The following FARSB variants were observed in gnomAD, a reference collection of about 807,000 sequenced individuals.
FARSB encodes the protein phenylalanine--tRNA ligase beta subunit.
A neutral mutation model predicts 69.6 loss-of-function variants in FARSB; 40 were observed. The ratio of observed to expected loss-of-function variants is 0.57; its 90% confidence interval spans 0.45 to 0.75. The LOEUF (loss-of-function observed/expected upper bound fraction) is 0.75, where lower values mean the gene tolerates loss of function less well. FARSB is among the 30% of genes least tolerant of loss of function. The pLI, the probability that FARSB is intolerant of heterozygous loss-of-function variation, is 0.00. For synonymous variants in FARSB, 235 were observed against 247.2 expected, an observed-to-expected ratio of 0.95 and a Z score of 0.46; for missense variants, 632 against 722.9, an observed-to-expected ratio of 0.87 and a Z score of 1.44.
intron 10 of FARSB, 50 bp from the exon 11 acceptor site, chr2:222,624,825 T>C (rs1210786223): frequency 6.2e-6 from 7 of 1,133,276 alleles, no homozygotes; most frequent in East Asian, 2.4e-5. Flanking sequence ...CAGATACAGC[T>C]TTAGAGTCTT....
At chr2:222,583,779 C>T (rs1177921085) in intron 16 of FARSB, among the ~76,000 whole-genome samples, 1 of 152,080 alleles carries the variant, frequency 6.6e-6, no homozygotes, top group East Asian at 1.9e-4. Context: ...CCATGCTGTT[C>T]TTGTGATATT....
chr2:222,645,592 T>G (rs1691829814), intron 2 of FARSB, among the ~76,000 whole-genome samples: 1 of 151,256 alleles, frequency 6.6e-6, no homozygotes, highest in African/African-American at 2.4e-5. Context: ...TATCAGAAAA[T>G]TATCTTTTAA....
rs1689699724 is a variant in FARSB at position 222,570,562 on chromosome 2, CA to C, written c.*1308del. The C allele has an allele frequency of 6.6e-6, 1 of 151,652 alleles. No individual in the cohort carries two copies. The highest frequency in any genetic ancestry group is 1.5e-5 in the Non-Finnish European group (1 of 67,968). 9.4% of individuals were successfully genotyped at this position (151,652 alleles called of 1,614,324 possible). ...TTTTGTAGACAGAATCTCACTCTGT[CA>C]CCCAGGCTGGAGGGCAGTGGCACAA... is the stretch of plus-strand genomic sequence containing the variant. On this transcript the variant is annotated 3_prime_UTR_variant, in exon 17 of 17. Transcript: ENST00000281828.
rs1242649266 is a variant in FARSB, at chr2:222,568,104, G to A, written c.*3767C>T. Reference sequence around the variant, plus strand: ...AAAATGTGAGCAGGTGTGTGTGGCTGACTGTACAAATCAAGGAAAATGTCC... The same window carrying A: ...AAAATGTGAGCAGGTGTGTGTGGCTAACTGTACAAATCAAGGAAAATGTCC... On this transcript the variant is annotated 3_prime_UTR_variant, in exon 17 of 17. Coordinates refer to ENST00000281828, the MANE Select transcript of FARSB (RefSeq NM_005687.5). The surrounding 1 kb of genome is among the most constrained non-coding windows in gnomAD (Gnocchi z 4.3). The A allele has an allele frequency of 6.6e-6, 1 of 150,774 alleles. No homozygotes were observed. Among genetic ancestry groups the A allele is most frequent in the Non-Finnish European group, 1.5e-5 (1 of 67,994 alleles). 9.3% of individuals were successfully genotyped at this position (150,774 alleles called of 1,614,324 possible).
intron 16 of FARSB, among the ~76,000 whole-genome samples, chr2:222,586,510 A>G (rs182131583): frequency 6.6e-6 from 1 of 152,210 alleles, no homozygotes; most frequent in Non-Finnish European, 1.5e-5. Context: ...ACACATAATA[A>G]TATTAACCTT....
In FARSB at chr2:222,568,297, A is replaced by T. The variant is rs1022813192; in HGVS notation, c.*3574T>A. ...TGTCTCCCATTATTTTTATATTTTT[A>T]AAAAGTGTAGAAAGTCCCATTATTT... On this transcript the variant is annotated 3_prime_UTR_variant, in exon 17 of 17. Coordinates refer to ENST00000281828, the MANE Select transcript of FARSB (RefSeq NM_005687.5). The surrounding 1 kb of genome is among the most constrained non-coding windows in gnomAD (Gnocchi z 4.3). 12 of 152,172 alleles carry T rather than the reference A, an allele frequency of 7.9e-5. No individual in the cohort carries two copies. The highest frequency in any genetic ancestry group is 1.8e-4 in the Non-Finnish European group (12 of 68,016). The allele number at this position is 152,172 out of a possible 1,614,324, so 9.4% of individuals were successfully genotyped here.
At chr2:222,587,343 G>A (rs1288303156) in intron 16 of FARSB, among the ~76,000 whole-genome samples, 1 of 152,144 alleles carries the variant, frequency 6.6e-6, no homozygotes, top group Non-Finnish European at 1.5e-5. Flanking sequence ...GAATCTCTGG[G>A]ACACATTTAA....
chr2:222,620,966 C>T (rs1559206090), intron 13 of FARSB, among the ~76,000 whole-genome samples: 3 of 152,184 alleles, frequency 2.0e-5, no homozygotes, highest in Admixed American at 6.5e-5. Flanking sequence ...AAACAGCTCC[C>T]GGATCTGCTA....
At chr2:222,609,879 C>T (rs1458840327) in intron 15 of FARSB, among the ~76,000 whole-genome samples, 1 of 152,146 alleles carries the variant, frequency 6.6e-6, no homozygotes, top group East Asian at 1.9e-4. Flanking sequence ...ATATCGAAAT[C>T]CAGTATGGAT....
At chr2:222,625,179 GT>G (rs1691238149) in intron 10 of FARSB, among the ~76,000 whole-genome samples, 1 of 152,122 alleles carries the variant, frequency 6.6e-6, no homozygotes, top group Non-Finnish European at 1.5e-5. Context: ...CAATATCACA[GT>G]GTCCATCATA....
rs1284911113 is a variant in FARSB, at chr2:222,600,053, C to T, written c.1493G>A (p.Cys498Tyr). 1.9e-6 allele frequency: 3 copies of T among 1,610,098 alleles called. No individual in the cohort carries two copies. Among genetic ancestry groups the T allele is most frequent in the Non-Finnish European group, 2.5e-6 (3 of 1,179,068 alleles). ...AGGATTCTTGTTGTAATAAACAGCA[C>T]AGAGATGTCTGTAGTTTTTTGCACC... The part of the protein sequence containing the change: ...DVGAKNYRHL[C>Y]AVYYNKNPGF... Residue 498 changes from cysteine to tyrosine, a missense_variant, in exon 16 of 17, where the codon TGT becomes TAT. Cys to Tyr is a radical substitution (Grantham distance 194). Transcript: ENST00000281828.
rs1014983674 is a variant in FARSB at position 222,571,779 on chromosome 2, C to A, written c.*92G>T. The A allele has an allele frequency of 3.6e-6, 4 of 1,100,496 alleles. No individual in the cohort carries two copies. The highest frequency in any genetic ancestry group is 5.3e-5 in the Admixed American group (2 of 37,774). 68.2% of individuals were successfully genotyped at this position (1,100,496 alleles called of 1,614,324 possible). A position where few individuals can be genotyped will look rare whatever the true frequency, so the allele number is the denominator to read the frequency against. ...TTCTACTTTATTAAACATCAAAGCC[C>A]AAATAGATGTTCCCTGTGGAGGAGG... On this transcript the variant is annotated 3_prime_UTR_variant, in exon 17 of 17. Coordinates refer to ENST00000281828, the MANE Select transcript of FARSB (RefSeq NM_005687.5).
intron 16 of FARSB, among the ~76,000 whole-genome samples, chr2:222,574,575 C>T (rs564736180): frequency 4.7e-4 from 71 of 152,264 alleles, no homozygotes; most frequent in South Asian, 1.7e-3. Context: ...CCAACTCACA[C>T]GTAAAAAGGA....
chr2:222,585,531 T>C (rs1337606198), intron 16 of FARSB, among the ~76,000 whole-genome samples: 2 of 152,232 alleles, frequency 1.3e-5, no homozygotes. Flanking sequence ...CTTTGACAAG[T>C]TGACAGAAGT....
At chr2:222,640,177 GA>G (rs748684703) in intron 4 of FARSB, among the ~76,000 whole-genome samples, 1 of 152,162 alleles carries the variant, frequency 6.6e-6, no homozygotes, top group Non-Finnish European at 1.5e-5. Context: ...AATGATCAAA[GA>G]AAATCACATT....
intron 16 of FARSB, among the ~76,000 whole-genome samples, chr2:222,594,054 T>G (rs1690346150): frequency 8.5e-6 from 1 of 118,212 alleles, no homozygotes; most frequent in Non-Finnish European, 1.6e-5. Flanking sequence ...ACCGGGAGCT[T>G]AAGACCAGCC....
intron 14 of FARSB, among the ~76,000 whole-genome samples, chr2:222,616,289 T>A (rs1355405540): frequency 1.3e-5 from 2 of 151,722 alleles, no homozygotes; most frequent in African/African-American, 4.8e-5. Flanking sequence ...ACTCAAACTG[T>A]TAAAAAAAAA....
At chr2:222,618,244 G>A in intron 14 of FARSB, among the ~76,000 whole-genome samples, 1 of 152,094 alleles carries the variant, frequency 6.6e-6, no homozygotes, top group East Asian at 1.9e-4. Context: ...AACATTAGCA[G>A]GTGGTTCTAT....
In FARSB at chr2:222,656,078, T is replaced by G. The variant is rs12467164; in HGVS notation, c.-5A>C. On this transcript the variant is annotated 5_prime_UTR_variant, in exon 1 of 17. Coordinates refer to ENST00000281828, the MANE Select transcript of FARSB (RefSeq NM_005687.5). ...CTTCACGCTGACAGTCGGCATGGTG[T>G]GTCGAACTCACTGCGCCTGCGCAGC... 42,665 of 1,591,326 alleles carry G rather than the reference T, an allele frequency of 0.027. 1,835 individuals carry two copies. Among genetic ancestry groups the G allele is most frequent in the African/African-American group, 0.19 (14,192 of 73,572 alleles).
Sources: allele counts gnomAD v4.1 joint callset (sites outside exome capture counted in the v4.1 genomes callset), GRCh38; gene constraint gnomAD v4.1.1; non-coding constraint Gnocchi (gnomAD v3.1); transcripts MANE v1.5; gene names NCBI Gene and HGNC (gene_info 2026-07-23, HGNC 2026-07-21).